The following TNFSF4 variants were observed in gnomAD, a reference collection of about 807,000 sequenced individuals.
TNFSF4 encodes tumor necrosis factor ligand superfamily member 4.
TNFSF4 carries 4 observed loss-of-function variants against 7.3 expected under a neutral mutation model. That is an observed-to-expected ratio of 0.55 (90% CI 0.27 to 1.25). TNFSF4 has a LOEUF of 1.25. Among genes scored for constraint, TNFSF4 ranks in the 50% most tolerant of loss-of-function variants. The pLI, the probability that TNFSF4 is intolerant of heterozygous loss-of-function variation, is 0.12. For missense variants in TNFSF4, 181 were observed against 208.8 expected, an observed-to-expected ratio of 0.87 and a Z score of 0.82; for synonymous variants, 76 against 83.7, an observed-to-expected ratio of 0.91 and a Z score of 0.50.
At chr1:173,267,783 AT>A in the TNFSF4 span, among the ~76,000 whole-genome samples, 1 of 151,920 alleles carries the variant, frequency 6.6e-6, no homozygotes, top group Non-Finnish European at 1.5e-5. Flanking sequence ...ATAGAAACTA[AT>A]TTCCGGAGAG....
At chr1:173,275,017 C>T in the TNFSF4 span, among the ~76,000 whole-genome samples, 3 of 152,104 alleles carry the variant, frequency 2.0e-5, no homozygotes, top group East Asian at 5.8e-4. Context: ...TTGTCAAGGG[C>T]TTAAGCAATC....
In TNFSF4 at chr1:173,207,056, T is replaced by C. The variant is rs1650227542; in HGVS notation, c.121A>G (p.Thr41Ala). ...IQGLGLLLCF[T>A]YICLHFSALQ... ...GCAGAGAAGTGCAGGCAGATGTAGG[T>C]GAAGCACAGGAGCAGCCCCAGTCCC... is the stretch of plus-strand genomic sequence containing the variant. Residue 41 changes from threonine (T) to alanine (A), a missense_variant, in exon 1 of 3, where the codon ACC becomes GCC. By Grantham distance (58) the Thr-to-Ala change is moderately conservative. Coordinates refer to ENST00000281834, the MANE Select transcript of TNFSF4 (RefSeq NM_003326.5). 4 of 1,613,196 alleles carry C rather than the reference T, an allele frequency of 2.5e-6. No individual in the cohort carries two copies. Among genetic ancestry groups the C allele is most frequent in the South Asian group, 1.1e-5 (1 of 90,996 alleles).
At chr1:173,179,812 T>C (rs1055770761), downstream of TNFSF4, among the ~76,000 whole-genome samples, 1 of 152,172 alleles carries the variant, frequency 6.6e-6, no homozygotes, top group South Asian at 2.1e-4. Context: ...TAGACAAATA[T>C]ATTCATACCA....
the TNFSF4 span, among the ~76,000 whole-genome samples, chr1:173,273,908 T>A: frequency 8.1e-4 from 123 of 152,260 alleles, 1 homozygote; most frequent in East Asian, 0.021. Flanking sequence ...TTGCAAACTT[T>A]CTATAAGAGA....
At chr1:173,187,146 G>A (rs1455775445) in intron 2 of TNFSF4, among the ~76,000 whole-genome samples, 2 of 152,074 alleles carry the variant, frequency 1.3e-5, no homozygotes, top group African/African-American at 2.4e-5. Context: ...TGGAAGAAGA[G>A]GCAATGTTAA....
the TNFSF4 span, among the ~76,000 whole-genome samples, chr1:173,348,979 A>T: frequency 6.6e-6 from 1 of 151,998 alleles, no homozygotes; most frequent in Admixed American, 6.5e-5. Flanking sequence ...GCAGTGAAAA[A>T]TCTCCACATC....
the TNFSF4 span, among the ~76,000 whole-genome samples, chr1:173,435,012 G>C: frequency 6.6e-6 from 1 of 152,214 alleles, no homozygotes; most frequent in African/African-American, 2.4e-5. Context: ...CCACCTATGA[G>C]CTGGCCCATG....
chr1:173,366,818 C>A, the TNFSF4 span, among the ~76,000 whole-genome samples: 9 of 151,642 alleles, frequency 5.9e-5, no homozygotes, highest in African/African-American at 2.2e-4. Context: ...CCTATAAACA[C>A]AAGAATTTGC....
At chr1:173,238,719 T>C in the TNFSF4 span, among the ~76,000 whole-genome samples, 18 of 149,256 alleles carry the variant, frequency 1.2e-4, no homozygotes, top group Non-Finnish European at 1.8e-4. Context: ...GTTACACCAG[T>C]CAGAATGGCT....
the TNFSF4 span, among the ~76,000 whole-genome samples, chr1:173,381,106 A>T: frequency 1.3e-5 from 2 of 152,134 alleles, no homozygotes; most frequent in Non-Finnish European, 2.9e-5. Flanking sequence ...TAGCCAGTTT[A>T]TCTACTTAAT....
the TNFSF4 span, among the ~76,000 whole-genome samples, chr1:173,407,101 G>A: frequency 2.0e-5 from 3 of 152,122 alleles, no homozygotes; most frequent in South Asian, 2.1e-4. Context: ...GCTGTGCAGG[G>A]AGCAAAGGCA....
At chr1:173,189,568 A>T (rs932015640) in intron 1 of TNFSF4, among the ~76,000 whole-genome samples, 2 of 152,232 alleles carry the variant, frequency 1.3e-5, no homozygotes, top group Non-Finnish European at 2.9e-5. Flanking sequence ...AACCTGATAG[A>T]TAAAACTTTT....
the TNFSF4 span, among the ~76,000 whole-genome samples, chr1:173,223,443 C>T: frequency 9.9e-5 from 15 of 151,954 alleles, no homozygotes; most frequent in African/African-American, 2.9e-4. Context: ...TACCTAAGTC[C>T]ACCCGCCCCC....
chr1:173,269,455 C>T, the TNFSF4 span, among the ~76,000 whole-genome samples: 1 of 152,114 alleles, frequency 6.6e-6, no homozygotes, highest in African/African-American at 2.4e-5. Flanking sequence ...AAAAGAAGCA[C>T]TTTACAGCTT....
chr1:173,188,947 A>G (rs1412610136), intron 1 of TNFSF4, among the ~76,000 whole-genome samples: 1 of 151,974 alleles, frequency 6.6e-6, no homozygotes, highest in East Asian at 1.9e-4. Context: ...GCTGGTCTCA[A>G]ACTCTTGACC....
chr1:173,395,017 T>C, the TNFSF4 span, among the ~76,000 whole-genome samples: 1 of 129,176 alleles, frequency 7.7e-6, no homozygotes, highest in Non-Finnish European at 1.7e-5. Context: ...GATAGATAGA[T>C]AGATAGATAG....
At chr1:173,442,545 GTTTTTGT>G in the TNFSF4 span, among the ~76,000 whole-genome samples, 2 of 93,450 alleles carry the variant, frequency 2.1e-5, no homozygotes, top group African/African-American at 3.8e-5. Context: ...TTTCGTTTTT[GTTTTTGT>G]TTTTTTTTTT....
chr1:173,326,705 C>T, the TNFSF4 span, among the ~76,000 whole-genome samples: 11 of 152,266 alleles, frequency 7.2e-5, no homozygotes, highest in East Asian at 2.1e-3. Context: ...AAATCACAAG[C>T]ATTCTTATAC....
At chr1:173,392,835 A>G in the TNFSF4 span, among the ~76,000 whole-genome samples, 1 of 152,310 alleles carries the variant, frequency 6.6e-6, no homozygotes, top group Non-Finnish European at 1.5e-5. Context: ...TACAATTTCC[A>G]GCTACATATA....
Sources: gnomAD v4.1 joint callset for allele counts (sites outside exome capture counted in the v4.1 genomes callset) on GRCh38, gnomAD v4.1.1 for gene constraint, MANE v1.5 for transcripts, NCBI Gene and HGNC (gene_info 2026-07-23, HGNC 2026-07-21) for gene names.